Variants in DST observed in about 807,000 individuals in gnomAD.
DST encodes bullous pemphigoid antigen.
Under a neutral mutation model 875.2 loss-of-function variants are expected in DST, and 253 were observed. The observed-to-expected ratio is 0.29, with a 90% confidence interval of 0.26 to 0.32. The LOEUF (loss-of-function observed/expected upper bound fraction) is 0.32. Among genes scored for constraint, DST ranks in the 10% least tolerant of loss-of-function variants. The pLI is 1.00. For synonymous variants in DST, 3,124 were observed against 3,197.1 expected, an observed-to-expected ratio of 0.98 and a Z score of 0.77; for missense variants, 8,287 against 9,111.6, an observed-to-expected ratio of 0.91 and a Z score of 3.68.
intron 87 of DST, among the ~76,000 whole-genome samples, chr6:56,486,604 A>G (rs2095577267): frequency 6.6e-6 from 1 of 152,118 alleles, no homozygotes; most frequent in South Asian, 2.1e-4. Context: ...AAATGTAATG[A>G]GAAAGAGGGA....
intron 15 of DST, among the ~76,000 whole-genome samples, chr6:56,645,158 A>C (rs2098935063): frequency 2.0e-5 from 3 of 152,232 alleles, no homozygotes; most frequent in African/African-American, 7.2e-5. Context: ...CAGCGTGAGA[A>C]TGGACTAATA....
chr6:56,726,717 C>T (rs983168064), intron 5 of DST, among the ~76,000 whole-genome samples: 5 of 152,126 alleles, frequency 3.3e-5, no homozygotes, highest in African/African-American at 7.2e-5. Flanking sequence ...TGCAGACTAA[C>T]GTTTATCTCA....
intron 4 of DST, among the ~76,000 whole-genome samples, chr6:56,736,916 G>C (rs1369868022): frequency 6.6e-6 from 1 of 152,146 alleles, no homozygotes; most frequent in Non-Finnish European, 1.5e-5. Context: ...GCTTATGCCT[G>C]TAATCCCAGC....
intron 87 of DST, 63 bp downstream of exon 87, chr6:56,487,041 A>C (rs1394534173): frequency 1.3e-6 from 2 of 1,519,494 alleles, no homozygotes; most frequent in African/African-American, 2.7e-5. Context: ...CCCGCAAAGC[A>C]CCATTACTGT....
In DST at chr6:56,856,717, C is replaced by A. The variant is rs552574204; in HGVS notation, c.418-5113G>T. 2.6e-5 allele frequency among the ~76,000 whole-genome samples: 4 copies of A among 152,210 alleles called. No individual in the cohort carries two copies. The South Asian group carries it at 8.3e-4, about 32-fold the overall frequency. The stretch of plus-strand genomic sequence containing the variant: ...AAGCTAAAAAGACATTTTGGGGCAA[C>A]TGGGGAAATCTGAACATGGAACTGG... On this transcript the variant is annotated intron_variant, in intron 3 of 103. Transcript: ENST00000680361.
chr6:56,941,863 A>C (rs1236254532), intron 2 of DST, among the ~76,000 whole-genome samples: 1 of 152,040 alleles, frequency 6.6e-6, no homozygotes, highest in Non-Finnish European at 1.5e-5. Flanking sequence ...GTTTTTACTG[A>C]TTTTCTGTGT....
chr6:56,474,065 GA>G, intron 92 of DST, 63 bp from the exon 93 acceptor site: 1 of 1,377,038 alleles, frequency 7.3e-7, no homozygotes, highest in Non-Finnish European at 1.0e-6. Flanking sequence ...CTTTAGAAAT[GA>G]ACTAAAAGCA....
At chr6:56,852,181 C>T (rs1765609383) in intron 3 of DST, 1 of 628,042 alleles carries the variant, frequency 1.6e-6, no homozygotes, top group South Asian at 7.1e-5. Flanking sequence ...GAAGCAGGTT[C>T]CCAGAAAAGA....
At position 56,530,242 on chromosome 6, in the gene DST, A is replaced by G. The variant is rs550102160; in HGVS notation, c.17109-109T>C. ...ATTCTAAACATTTTCTGTAGAAACT[A>G]TCTAAGGTTACAATTTAAATCTCTT... On this transcript the variant is annotated intron_variant, in intron 64 of 103. Transcript: ENST00000680361. The G allele has an allele frequency of 5.2e-6, 4 of 773,362 alleles. No homozygotes were observed. The Admixed American group carries it at 1.2e-4, about 22-fold the overall frequency. 47.9% of individuals were successfully genotyped at this position (773,362 alleles called of 1,614,324 possible). A position where few individuals can be genotyped will look rare whatever the true frequency, so the allele number is the denominator to read the frequency against.
At chr6:56,798,514 A>G (rs544064369) in intron 4 of DST, among the ~76,000 whole-genome samples, 51 of 152,226 alleles carry the variant, frequency 3.4e-4, no homozygotes, top group Non-Finnish European at 6.6e-4. Context: ...TTATTTCAAA[A>G]TATTACTGCT....
At chr6:56,655,116 G>A (rs577568836) in intron 10 of DST, among the ~76,000 whole-genome samples, 10 of 147,920 alleles carry the variant, frequency 6.8e-5, no homozygotes, top group South Asian at 6.4e-4. Flanking sequence ...AGCCGAGATC[G>A]CGCCATTGCA....
intron 4 of DST, among the ~76,000 whole-genome samples, chr6:56,758,050 C>T (rs539632231): frequency 4.3e-4 from 65 of 152,308 alleles, no homozygotes; most frequent in Middle Eastern, 3.4e-3. Flanking sequence ...ACCATTAATA[C>T]AGCACAAAGT....
chr6:56,574,762 ATC>A (rs1219519983), intron 50 of DST, among the ~76,000 whole-genome samples: 1 of 152,128 alleles, frequency 6.6e-6, no homozygotes, highest in Non-Finnish European at 1.5e-5. Context: ...TAATGTATTC[ATC>A]TCTTTCTCTC....
At chr6:56,891,754 G>A (rs1442385766) in intron 3 of DST, among the ~76,000 whole-genome samples, 1 of 151,668 alleles carries the variant, frequency 6.6e-6, no homozygotes, top group African/African-American at 2.4e-5. Context: ...AAACTCCTCG[G>A]TGGAGCTTGC....
intron 7 of DST, among the ~76,000 whole-genome samples, chr6:56,703,097 GT>G (rs2099317503): frequency 6.6e-6 from 1 of 152,176 alleles, no homozygotes; most frequent in Admixed American, 6.5e-5. Flanking sequence ...AGCTCTGTGA[GT>G]TCTGTTGGAA....
At chr6:56,707,450 T>G (rs898235852) in intron 5 of DST, among the ~76,000 whole-genome samples, 1 of 152,240 alleles carries the variant, frequency 6.6e-6, no homozygotes, top group Non-Finnish European at 1.5e-5. Flanking sequence ...CTCAGCCAGC[T>G]GCTTTGTCTC....
At position 56,916,716 on chromosome 6, in the gene DST, T is replaced by C. The variant is rs143449328; in HGVS notation, c.217-16095A>G. 6.2e-3 allele frequency among the ~76,000 whole-genome samples: 918 copies of C among 149,066 alleles called. 10 individuals carry two copies. The highest frequency in any genetic ancestry group is 0.022 in the African/African-American group (881 of 40,092). On this transcript the variant is annotated intron_variant, in intron 2 of 103. Coordinates refer to ENST00000680361, the MANE Select transcript of DST (RefSeq NM_001374736.1). Reference sequence around the variant, plus strand: ...GTAGTAAGCCATGATGGGGCCACTGTACTCCAGCCCTGAGACAAGATCTTC... The same window carrying C: ...GTAGTAAGCCATGATGGGGCCACTGCACTCCAGCCCTGAGACAAGATCTTC...
rs2097343750 is a variant in DST at position 56,552,738 on chromosome 6, C to T, written c.16054G>A (p.Val5352Ile). 1.2e-6 allele frequency: 2 copies of T among 1,611,720 alleles called. No homozygotes were observed. Among genetic ancestry groups the T allele is most frequent in the Non-Finnish European group, 1.7e-6 (2 of 1,179,880 alleles). Residue 5352 changes from valine to isoleucine, a missense_variant, in exon 61 of 104, where the codon GTT becomes ATT. Physicochemically the swap from Val to Ile is conservative, Grantham distance 29. This residue lies in a region of DST where 1,513 missense variants were observed against 1,677.8 expected (regional missense o/e 0.90). Coordinates refer to ENST00000680361, the MANE Select transcript of DST (RefSeq NM_001374736.1). ...GCTATGGTTTCCACTTGTAATAAAA[C>T]ATCAGAGGTTCCCTTTGAGTCTGAG... ...EASDSKGTSD[V>I]LLQVETIAQE...
At chr6:56,733,891 G>A (rs2099512659) in intron 5 of DST, among the ~76,000 whole-genome samples, 1 of 152,122 alleles carries the variant, frequency 6.6e-6, no homozygotes, top group African/African-American at 2.4e-5. Flanking sequence ...GGGGAAATAA[G>A]TGAATAATAT....
Sources: allele counts gnomAD v4.1 joint callset (sites outside exome capture counted in the v4.1 genomes callset), GRCh38; gene constraint gnomAD v4.1.1; regional missense constraint gnomAD v4.1.1; transcripts MANE v1.5; gene names NCBI Gene and HGNC (gene_info 2026-07-23, HGNC 2026-07-21).